Variants in LOC112267897 observed in about 807,000 individuals in gnomAD.
chr13:63,747,235 A>G, the LOC112267897 span: 2 of 1,243,944 alleles, frequency 1.6e-6, no homozygotes, highest in Non-Finnish European at 2.3e-6. Flanking sequence ...TGACACGGCT[A>G]AAGATAATAC....
chr13:63,746,751 C>T, the LOC112267897 span: 2 of 1,356,174 alleles, frequency 1.5e-6, no homozygotes, highest in South Asian at 2.5e-5. Flanking sequence ...GACGTCCACA[C>T]CTCAGAAGCA....
the LOC112267897 span, chr13:63,747,035 G>A: frequency 6.3e-7 from 1 of 1,590,182 alleles, no homozygotes; most frequent in Non-Finnish European, 8.6e-7. Flanking sequence ...CTACAGCTGT[G>A]GCTATGGCTC....
the LOC112267897 span, chr13:63,747,862 T>A: frequency 3.7e-5 from 4 of 108,634 alleles, no homozygotes; most frequent in Non-Finnish European, 6.8e-5. Flanking sequence ...CACAAATATT[T>A]ATTATTGTGT....
chr13:63,746,969 G>A, the LOC112267897 span: 4 of 1,420,314 alleles, frequency 2.8e-6, no homozygotes, highest in South Asian at 1.1e-5. Context: ...CTGTGGCTAT[G>A]GCTCCAGCTA....
the LOC112267897 span, chr13:63,747,189 A>G: frequency 1.3e-6 from 2 of 1,536,210 alleles, no homozygotes; most frequent in East Asian, 2.3e-5. Flanking sequence ...TCTTCCTGCT[A>G]AAACATCACT....
chr13:63,747,808 T>G, the LOC112267897 span: 1 of 129,572 alleles, frequency 7.7e-6, no homozygotes, highest in Non-Finnish European at 1.5e-5. Flanking sequence ...TATTTTATAC[T>G]GTGTTTTTAC....
the LOC112267897 span, chr13:63,747,367 C>A: frequency 4.2e-6 from 2 of 472,452 alleles, no homozygotes; most frequent in Non-Finnish European, 7.1e-6. Context: ...ACGGTGTCAT[C>A]TGACTGTTTT....
At chr13:63,748,056 A>G in the LOC112267897 span, 1 of 29,186 alleles carries the variant, frequency 3.4e-5, no homozygotes. Context: ...TTTTCAGAAC[A>G]TATCCCTGTT....
chr13:63,747,735 G>A, the LOC112267897 span: 1 of 130,204 alleles, frequency 7.7e-6, no homozygotes, highest in Admixed American at 6.5e-5. Flanking sequence ...CCCTGTAAGT[G>A]CCATTCGTGC....
chr13:63,747,212 T>C, the LOC112267897 span: 1 of 1,456,972 alleles, frequency 6.9e-7, no homozygotes, highest in East Asian at 2.3e-5. Flanking sequence ...CAGAGGACAA[T>C]TTGCTTCTAA....
At chr13:63,746,994 G>T in the LOC112267897 span, 192 of 1,484,922 alleles carry the variant, frequency 1.3e-4, 1 homozygote, top group Middle Eastern at 2.2e-3. Flanking sequence ...TGTGGCTATG[G>T]AACTGGCTAC....
At chr13:63,747,080 T>G in the LOC112267897 span, 5 of 1,605,462 alleles carry the variant, frequency 3.1e-6, no homozygotes, top group Non-Finnish European at 3.4e-6. Flanking sequence ...TGGCTTCGGC[T>G]GTGGGTATGG....
chr13:63,746,914 T>C, the LOC112267897 span: 2 of 1,443,932 alleles, frequency 1.4e-6, no homozygotes, highest in Non-Finnish European at 9.6e-7. Flanking sequence ...GCTATGGAAC[T>C]GGCTACAGCT....
chr13:63,747,188 T>C, the LOC112267897 span: 1 of 1,538,460 alleles, frequency 6.5e-7, no homozygotes, highest in East Asian at 2.3e-5. Context: ...TTCTTCCTGC[T>C]AAAACATCAC....
chr13:63,746,768 T>C, the LOC112267897 span: 8 of 1,424,956 alleles, frequency 5.6e-6, 1 homozygote, highest in South Asian at 2.3e-5. Context: ...AGCATCTTCT[T>C]GAAACCCATC....
the LOC112267897 span, chr13:63,746,939 G>A: frequency 3.5e-6 from 5 of 1,431,434 alleles, no homozygotes; most frequent in Non-Finnish European, 3.9e-6. Flanking sequence ...CTATGGCTGT[G>A]GCTATGGCTC....
chr13:63,747,805 T>C, the LOC112267897 span: 265 of 130,000 alleles, frequency 2.0e-3, 8 homozygotes, highest in African/African-American at 8.0e-3. Flanking sequence ...TATTATTTTA[T>C]ACTGTGTTTT....
chr13:63,746,830 T>G, the LOC112267897 span: 9 of 1,423,652 alleles, frequency 6.3e-6, 2 homozygotes, highest in African/African-American at 1.3e-4. Context: ...GCAACTCCTG[T>G]GGCTATGGCT....
the LOC112267897 span, chr13:63,747,601 A>C: frequency 5.8e-5 from 10 of 173,246 alleles, no homozygotes; most frequent in Non-Finnish European, 1.9e-5. Flanking sequence ...GAAGAAATAA[A>C]ATGTATTTTA....
Sources: gnomAD v4.1 joint callset for allele counts on GRCh38, gnomAD v4.1.1 for gene constraint, MANE v1.5 for transcripts.